Variants in LCOR observed in about 807,000 individuals in gnomAD.
LCOR encodes the protein ligand-dependent corepressor.
LCOR carries 14 observed loss-of-function variants against 64.4 expected under a neutral mutation model. The ratio of observed to expected loss-of-function variants is 0.22; its 90% CI spans 0.14 to 0.34. The LOEUF is 0.34. Ranked by LOEUF, LCOR falls within the 10% of genes least tolerant of loss-of-function variation. The pLI is 1.00. For synonymous variants in LCOR, 643 were observed against 642.5 expected (o/e 1.00, Z -0.01); for missense variants, 1,686 against 1,765.3 (o/e 0.96, Z 0.80).
intron 7 of LCOR, among the ~76,000 whole-genome samples, chr10:96,966,224 T>G (rs1194053362): frequency 2.3e-4 from 29 of 127,478 alleles, no homozygotes; most frequent in Admixed American, 1.3e-3. Flanking sequence ...AGGACTCTTT[T>G]TTTTTTTTTT....
chr10:96,920,700 ATATATGTG>A (rs1847056617), intron 4 of LCOR, among the ~76,000 whole-genome samples: 1 of 145,308 alleles, frequency 6.9e-6, no homozygotes, highest in Non-Finnish European at 1.5e-5. Context: ...ATATATGTTC[ATATATGTG>A]TGTATATATG....
chr10:96,963,052 T>C (rs1847905188), intron 7 of LCOR: 2 of 152,350 alleles, frequency 1.3e-5, no homozygotes, highest in East Asian at 1.9e-4. Flanking sequence ...GAATGTCAAC[T>C]TAAAAAACTC....
chr10:96,969,918 T>A (rs897813833), intron 7 of LCOR, among the ~76,000 whole-genome samples: 1 of 147,118 alleles, frequency 6.8e-6, no homozygotes, highest in African/African-American at 2.5e-5. Flanking sequence ...AAGCTGGGAC[T>A]ACAGGCACCC....
At chr10:96,862,263 C>T (rs753562814) in intron 2 of LCOR, among the ~76,000 whole-genome samples, 3 of 151,920 alleles carry the variant, frequency 2.0e-5, no homozygotes, top group Non-Finnish European at 4.4e-5. Context: ...GTTACATAGA[C>T]ATGATTTTTT....
rs775951400 is a variant in LCOR at position 96,952,246 on chromosome 10, C to G, written c.332+50C>G. 3.1e-6 allele frequency: 4 copies of G among 1,298,230 alleles called. No individual in the cohort carries two copies. The East Asian group carries it at 9.3e-5, about 30-fold the overall frequency. The allele number at this position is 1,298,230 out of a possible 1,614,324, so 80.4% of individuals were successfully genotyped here. On this transcript the variant is annotated intron_variant, in intron 7 of 7. Transcript: ENST00000421806. Reference sequence around the variant, plus strand: ...ACACAGTTTCATATAGATAATTCATCAAAGGTTGATGCCAGTCTCCCTTTT... The same window carrying G: ...ACACAGTTTCATATAGATAATTCATGAAAGGTTGATGCCAGTCTCCCTTTT...
chr10:96,913,382 G>A (rs1171385052), intron 4 of LCOR, among the ~76,000 whole-genome samples: 1 of 152,100 alleles, frequency 6.6e-6, no homozygotes, highest in Non-Finnish European at 1.5e-5. Context: ...GGGAGAGATG[G>A]GAAGGATGAG....
At chr10:96,868,693 C>T (rs890987254) in intron 2 of LCOR, among the ~76,000 whole-genome samples, 13 of 152,162 alleles carry the variant, frequency 8.5e-5, no homozygotes, top group African/African-American at 2.7e-4. Context: ...CAGATTCCCC[C>T]AGCAGTATTA....
At chr10:96,941,423 A>T (rs1273982699) in intron 4 of LCOR, among the ~76,000 whole-genome samples, 1 of 119,002 alleles carries the variant, frequency 8.4e-6, no homozygotes, top group Non-Finnish European at 1.8e-5. Context: ...CTGACCCCCC[A>T]CCTCCCTCCT....
intron 2 of LCOR, among the ~76,000 whole-genome samples, chr10:96,862,172 C>T (rs955218809): frequency 6.6e-6 from 1 of 152,234 alleles, no homozygotes; most frequent in African/African-American, 2.4e-5. Flanking sequence ...CCTGGGCACA[C>T]TACTCTCCAG....
chr10:96,885,412 C>CA (rs1284908704), intron 2 of LCOR, among the ~76,000 whole-genome samples: 1 of 152,018 alleles, frequency 6.6e-6, no homozygotes, highest in Non-Finnish European at 1.5e-5. Context: ...GACAGGCTTT[C>CA]ACTCTGTTTC....
At chr10:96,917,834 C>T (rs1256401546) in intron 4 of LCOR, among the ~76,000 whole-genome samples, 1 of 152,106 alleles carries the variant, frequency 6.6e-6, no homozygotes, top group Non-Finnish European at 1.5e-5. Context: ...GTGATACTGA[C>T]GTTAGGCTTC....
intron 2 of LCOR, among the ~76,000 whole-genome samples, chr10:96,885,595 G>C (rs886116684): frequency 4.1e-4 from 55 of 134,016 alleles, no homozygotes; most frequent in Middle Eastern, 8.7e-3. Flanking sequence ...TCAAGGTCTT[G>C]CTGTGTTGCC....
At chr10:96,925,199 C>G (rs1478690838) in intron 4 of LCOR, among the ~76,000 whole-genome samples, 2 of 152,100 alleles carry the variant, frequency 1.3e-5, no homozygotes, top group Non-Finnish European at 2.9e-5. Context: ...CCTCAGCCTC[C>G]TGAGTAGCTG....
At chr10:96,951,997 G>A (rs903265013) in intron 6 of LCOR, 106 bp from the exon 7 acceptor site, 4 of 701,634 alleles carry the variant, frequency 5.7e-6, no homozygotes, top group Non-Finnish European at 7.5e-6. Flanking sequence ...TAGCATATCT[G>A]CTTAGTTGAA....
Position 96,985,434 on chromosome 10 carries a change from T to C in LCOR, c.*300T>C. ...TTATTTATCCTTTTTGTTTTTAAAT[T>C]TACAAAAGCTAAAAAGCTGATCTAT... On this transcript the variant is annotated 3_prime_UTR_variant, in exon 8 of 8. Transcript: ENST00000421806. 4.1e-6 allele frequency: 1 copy of C among 243,740 alleles called. No individual in the cohort carries two copies. Among genetic ancestry groups the C allele is most frequent in the East Asian group, 9.4e-5 (1 of 10,660 alleles). The allele number at this position is 243,740 out of a possible 1,614,324, so 15.1% of individuals were successfully genotyped here.
chr10:96,847,959 A>G (rs1214203832), intron 2 of LCOR, among the ~76,000 whole-genome samples: 1 of 152,214 alleles, frequency 6.6e-6, no homozygotes, highest in Non-Finnish European at 1.5e-5. Flanking sequence ...TATTTTGGAA[A>G]AAGTGGCAGG....
intron 2 of LCOR, among the ~76,000 whole-genome samples, chr10:96,893,481 A>G (rs1429610964): frequency 6.6e-6 from 1 of 152,094 alleles, no homozygotes; most frequent in Non-Finnish European, 1.5e-5. Context: ...TGTCCAAGGT[A>G]TGGCCAGGCA....
At position 96,981,903 on chromosome 10, in the gene LCOR, A is replaced by G; in HGVS notation, c.1443A>G (p.Glu481=). The G allele has an allele frequency of 6.2e-7, 1 of 1,614,232 alleles. No homozygotes were observed. Among genetic ancestry groups the G allele is most frequent in the Non-Finnish European group, 8.5e-7 (1 of 1,180,048 alleles). ...DVVYISQPIT[E]CHFENQKSIL... ...TTTATATCAGTCAACCAATAACAGA[A>G]TGCCACTTTGAGAATCAAAAATCAA... The change falls in exon 8 of 8, where the codon GAA becomes GAG. Residue 481 remains glutamate (E), a synonymous_variant. Coordinates refer to ENST00000421806, the MANE Select transcript of LCOR (RefSeq NM_001346516.2).
At chr10:96,850,508 T>A (rs1845706882) in intron 2 of LCOR, among the ~76,000 whole-genome samples, 1 of 152,198 alleles carries the variant, frequency 6.6e-6, no homozygotes, top group African/African-American at 2.4e-5. Context: ...ATTTATTTTT[T>A]TGAGACAGCA....
Sources: gnomAD v4.1 joint callset for allele counts (sites outside exome capture counted in the v4.1 genomes callset) on GRCh38, gnomAD v4.1.1 for gene constraint, MANE v1.5 for transcripts, NCBI Gene and HGNC (gene_info 2026-07-23, HGNC 2026-07-21) for gene names.